The following HINFP variants were observed in gnomAD, a reference collection of about 807,000 sequenced individuals.
HINFP encodes the protein MBD2 (methyl-CpG-binding protein)-interacting zinc finger protein.
A neutral mutation model predicts 50.1 loss-of-function variants in HINFP; 20 were observed. That is an observed-to-expected ratio of 0.40 (90% confidence interval 0.28 to 0.58). The LOEUF is 0.58. HINFP is among the 20% of genes least tolerant of loss of function. The pLI, the probability that HINFP is intolerant of heterozygous loss-of-function variation, is 0.45. For synonymous variants in HINFP, 247 were observed against 243.7 expected (o/e 1.01, Z -0.13); for missense variants, 505 against 664.1 (o/e 0.76, Z 2.63).
At position 119,131,897 on chromosome 11, in the gene HINFP, A is replaced by G. The variant is rs763454336; in HGVS notation, c.591A>G (p.Lys197=). The change falls in exon 5 of 10, where the codon AAA becomes AAG. Residue 197 remains lysine (K), a synonymous_variant. Transcript: ENST00000350777. This position sits in a 1 kb window ranked among gnomAD's most constrained non-coding sequence, Gnocchi z 4.2. ...ACCTCCGCAGCCATACCCAGGAGAA[A>G]GTGGTAGCCTGCCCCACCTGTGGGG... The part of the protein sequence containing the change: ...REHLRSHTQE[K]VVACPTCGGM... 5 of 1,614,184 alleles carry G rather than the reference A, an allele frequency of 3.1e-6. No individual in the cohort carries two copies. In the East Asian group the frequency reaches 1.1e-4, roughly 36 times the overall value.
chr11:119,123,475 G>A lies in HINFP; in HGVS notation c.-11+1836G>A, dbSNP rs1017554572. Among the ~76,000 whole-genome samples the A allele has an allele frequency of 2.0e-5, 3 of 152,108 alleles. No homozygotes were observed. The East Asian group carries it at 5.8e-4, about 29-fold the overall frequency. On this transcript the variant is annotated intron_variant, in intron 1 of 9. Coordinates refer to ENST00000350777, the MANE Select transcript of HINFP (RefSeq NM_198971.3). Reference sequence around the variant, plus strand: ...AGTCAGAGGAGGTGTGGGATTTTATGACTTTTGAAGCTTTTTTCTACTTTT... The same window carrying A: ...AGTCAGAGGAGGTGTGGGATTTTATAACTTTTGAAGCTTTTTTCTACTTTT...
intron 2 of HINFP, among the ~76,000 whole-genome samples, chr11:119,128,191 AG>A (rs1194714501): frequency 1.3e-5 from 2 of 152,112 alleles, no homozygotes; most frequent in Non-Finnish European, 2.9e-5. Flanking sequence ...CTTATGTTTT[AG>A]GTATGCCTTT....
intron 2 of HINFP, among the ~76,000 whole-genome samples, chr11:119,129,531 G>A (rs1947636125): frequency 1.6e-5 from 2 of 128,858 alleles, no homozygotes; most frequent in Admixed American, 1.6e-4. Context: ...CTCGATCTCC[G>A]CTCACTGCAA....
At chr11:119,127,617 C>T (rs1319195026) in intron 2 of HINFP, among the ~76,000 whole-genome samples, 1 of 151,670 alleles carries the variant, frequency 6.6e-6, no homozygotes, top group African/African-American at 2.4e-5. Flanking sequence ...GATCATAGCT[C>T]ACTGCAGCCT....
intron 9 of HINFP, 126 bp downstream of exon 9, chr11:119,133,345 C>T (rs1947887324): frequency 8.4e-7 from 1 of 1,186,260 alleles, no homozygotes; most frequent in African/African-American, 1.5e-5. Context: ...CTTTGGGAGG[C>T]CAAGGTGGGC....
chr11:119,132,652 T>C lies in HINFP; in HGVS notation c.755-9T>C, dbSNP rs780601233. 1.9e-6 allele frequency: 3 copies of C among 1,614,000 alleles called. No homozygotes were observed. Among genetic ancestry groups the C allele is most frequent in the Admixed American group, 1.7e-5 (1 of 59,998 alleles). On this transcript the variant is annotated splice_polypyrimidine_tract_variant and intron_variant, in intron 6 of 9. Coordinates refer to ENST00000350777, the MANE Select transcript of HINFP (RefSeq NM_198971.3). ...TCTCACATCACAGCCTCCTCTCTGC[T>C]TCTCTCAGTGAATCACTATAAGTGC...
Position 119,134,760 on chromosome 11 carries a change from GT to G in HINFP, c.*264del. ...TGTGTGTGTTCTTGTTAAAGAGGCT[GT>G]TATCAGGCTTAACCATAACCCTCAA... On this transcript the variant is annotated 3_prime_UTR_variant, in exon 10 of 10. Transcript: ENST00000350777. The surrounding 1 kb of genome is among the most constrained non-coding windows in gnomAD (Gnocchi z 4.3). The G allele has an allele frequency of 2.4e-6, 1 of 421,080 alleles. No homozygotes were observed. The highest frequency in any genetic ancestry group is 4.3e-6 in the Non-Finnish European group (1 of 233,868). 26.1% of individuals were successfully genotyped at this position (421,080 alleles called of 1,614,324 possible). A position where few individuals can be genotyped will look rare whatever the true frequency, so the allele number is the denominator to read the frequency against.
rs1418920449 is a variant in HINFP at position 119,134,042 on chromosome 11, C to T, written c.1140-42C>T. ...GCCAGCCTCGGCCATTTCTGTATCC[C>T]CCTGCCTGGGTTTGCTGCCCTTTAT... On this transcript the variant is annotated intron_variant, in intron 9 of 9. Transcript: ENST00000350777. This position sits in a 1 kb window ranked among gnomAD's most constrained non-coding sequence, Gnocchi z 4.3. 6.2e-7 allele frequency: 1 copy of T among 1,613,202 alleles called. No individual in the cohort carries two copies. The highest frequency in any genetic ancestry group is 1.3e-5 in the African/African-American group (1 of 74,898).
At chr11:119,130,656 T>A in intron 2 of HINFP, 69 bp from the exon 3 acceptor site, 4 of 1,373,338 alleles carry the variant, frequency 2.9e-6, no homozygotes, top group Non-Finnish European at 4.1e-6. Context: ...CTCTGTTTAG[T>A]GCTGCAGGTG....
chr11:119,129,365 G>C (rs1947616686), intron 2 of HINFP, among the ~76,000 whole-genome samples: 1 of 151,604 alleles, frequency 6.6e-6, no homozygotes, highest in Non-Finnish European at 1.5e-5. Flanking sequence ...TAGAGACAGA[G>C]TCTTGCTATG....
At chr11:119,133,263 T>TA in intron 9 of HINFP, 44 bp downstream of exon 9, 2 of 1,608,314 alleles carry the variant, frequency 1.2e-6, no homozygotes, top group Non-Finnish European at 1.7e-6. Context: ...CACTTGTTTT[T>TA]ATACCTTTTC....
rs765028356 is a variant in HINFP at position 119,132,986 on chromosome 11, A to G, written c.998A>G (p.Tyr333Cys). The change falls in exon 8 of 10, where the codon TAC (tyrosine) becomes TGC (cysteine). Residue 333 changes from tyrosine to cysteine, a missense_variant. Tyr to Cys is a radical substitution (Grantham distance 194). Transcript: ENST00000350777. ...TCCCTCTGCTCTATCAAGTCCCATT[A>G]CCGCAAAGTACATGAAGTGAGTGGG... Reference protein sequence around the residue: ...ARSLCSIKSHYRKVHEGDSEP... With the variant: ...ARSLCSIKSHCRKVHEGDSEP... 2 of 1,614,230 alleles carry G rather than the reference A, an allele frequency of 1.2e-6. No individual in the cohort carries two copies. Among genetic ancestry groups the G allele is most frequent in the Non-Finnish European group, 1.7e-6 (2 of 1,180,032 alleles).
At position 119,131,865 on chromosome 11, in the gene HINFP, C is replaced by A. The variant is rs776389539; in HGVS notation, c.559C>A (p.Arg187=). ...TCTFKDRSKL[R]EHLRSHTQEK... The stretch of plus-strand genomic sequence containing the variant: ...CACCTTCAAGGACCGCAGTAAACTT[C>A]GAGAGCACCTCCGCAGCCATACCCA... The change falls in exon 5 of 10, where the codon CGA becomes AGA. Residue 187 remains arginine, a synonymous_variant. Coordinates refer to ENST00000350777, the MANE Select transcript of HINFP (RefSeq NM_198971.3). This position sits in a 1 kb window ranked among gnomAD's most constrained non-coding sequence, Gnocchi z 4.2. The A allele has an allele frequency of 1.2e-6, 2 of 1,614,014 alleles. No individual in the cohort carries two copies. Among genetic ancestry groups the A allele is most frequent in the Non-Finnish European group, 1.7e-6 (2 of 1,180,044 alleles).
chr11:119,135,005 G>T lies in HINFP; in HGVS notation c.*507G>T, dbSNP rs574757506. ...AGGGACAGGATTGGAGGCATTGAGC[G>T]TGTTTATTAACAAATTGTTTTTGGT... On this transcript the variant is annotated 3_prime_UTR_variant, in exon 10 of 10. Transcript: ENST00000350777. The T allele has an allele frequency of 6.2e-4, 95 of 153,520 alleles. No individual in the cohort carries two copies. Among genetic ancestry groups the T allele is most frequent in the Non-Finnish European group, 1.1e-3 (73 of 68,628 alleles). The allele number at this position is 153,520 out of a possible 1,614,324, so 9.5% of individuals were successfully genotyped here.
intron 2 of HINFP, among the ~76,000 whole-genome samples, chr11:119,127,857 AT>A (rs1019976154): frequency 3.0e-3 from 419 of 137,502 alleles, no homozygotes; most frequent in South Asian, 6.0e-3. Flanking sequence ...CCACCTTCCA[AT>A]TTTTTTTTTT....
Position 119,134,808 on chromosome 11 carries a change from A to C in HINFP, c.*310A>C. ...TCAAGATCTGCTTGACAGTGATTAAATCCTTAGCTCACATCCATTCCCATC... is the reference window on the plus strand; with the variant it reads ...TCAAGATCTGCTTGACAGTGATTAACTCCTTAGCTCACATCCATTCCCATC... On this transcript the variant is annotated 3_prime_UTR_variant, in exon 10 of 10. Coordinates refer to ENST00000350777, the MANE Select transcript of HINFP (RefSeq NM_198971.3). This position sits in a 1 kb window ranked among gnomAD's most constrained non-coding sequence, Gnocchi z 4.3. The C allele has an allele frequency of 3.8e-6, 1 of 259,748 alleles. No individual in the cohort carries two copies. The highest frequency in any genetic ancestry group is 4.8e-5 in the Admixed American group (1 of 20,830). The allele number at this position is 259,748 out of a possible 1,614,324, so 16.1% of individuals were successfully genotyped here. A position where few individuals can be genotyped will look rare whatever the true frequency, so the allele number is the denominator to read the frequency against.
At chr11:119,124,312 T>G (rs563222835) in intron 1 of HINFP, 1 of 151,896 alleles carries the variant, frequency 6.6e-6, no homozygotes, top group East Asian at 1.9e-4. Context: ...GTATTTTCTG[T>G]TTTTTTTCCT....
At chr11:119,125,417 T>TC (rs1490133052) in intron 1 of HINFP, 1 of 152,154 alleles carries the variant, frequency 6.6e-6, no homozygotes, top group Admixed American at 6.6e-5. Flanking sequence ...TGCCTGTAAC[T>TC]CCAACACTTT....
intron 1 of HINFP, among the ~76,000 whole-genome samples, chr11:119,122,851 G>A (rs1398880152): frequency 2.6e-5 from 4 of 152,076 alleles, no homozygotes. Context: ...GGCCTGTCGC[G>A]GTGGCTCACA....
Sources: allele counts gnomAD v4.1 joint callset (sites outside exome capture counted in the v4.1 genomes callset), GRCh38; gene constraint gnomAD v4.1.1; non-coding constraint Gnocchi (gnomAD v3.1); transcripts MANE v1.5; gene names NCBI Gene and HGNC (gene_info 2026-07-23, HGNC 2026-07-21).